Variants in ARL15 observed in about 807,000 individuals in gnomAD.
The protein encoded by ARL15 is ADP-ribosylation factor-like protein 15.
Under a neutral mutation model 25.2 loss-of-function variants are expected in ARL15, and 19 were observed. The ratio of observed to expected loss-of-function variants is 0.75; its 90% confidence interval spans 0.53 to 1.10. The LOEUF is 1.10. Among genes scored for constraint, ARL15 ranks in the 50% least tolerant of loss-of-function variants. The pLI is 0.00. For missense variants in ARL15, 220 were observed against 246.0 expected, an observed-to-expected ratio of 0.89 and a Z score of 0.71; for synonymous variants, 94 against 86.8, an observed-to-expected ratio of 1.08 and a Z score of -0.46.
intron 4 of ARL15, among the ~76,000 whole-genome samples, chr5:54,087,318 G>A (rs57261959): frequency 0.12 from 17,913 of 151,640 alleles, 1,444 homozygotes; most frequent in African/African-American, 0.22. Flanking sequence ...ACAGAGCGAG[G>A]CTCCATCTCA....
At chr5:53,910,636 TATATATATATATATA>T (rs1745424490) in intron 4 of ARL15, among the ~76,000 whole-genome samples, 14 of 109,270 alleles carry the variant, frequency 1.3e-4, no homozygotes, top group East Asian at 3.8e-4. Flanking sequence ...AAAAAAATTA[TATATATATATATATA>T]TATATATATA....
chr5:53,958,949 G>A (rs913430559), intron 4 of ARL15, among the ~76,000 whole-genome samples: 2 of 152,032 alleles, frequency 1.3e-5, no homozygotes, highest in African/African-American at 2.4e-5. Context: ...TAGAAAATTC[G>A]ACAATAATAA....
intron 1 of ARL15, among the ~76,000 whole-genome samples, chr5:54,297,282 G>C: frequency 6.6e-6 from 1 of 152,226 alleles, no homozygotes; most frequent in Admixed American, 6.5e-5. Flanking sequence ...GGGTCCCTGG[G>C]ATTGAGTCCT....
chr5:54,002,564 T>C (rs1224819171), intron 4 of ARL15, among the ~76,000 whole-genome samples: 1 of 152,168 alleles, frequency 6.6e-6, no homozygotes, highest in East Asian at 1.9e-4. Context: ...AGAGAGAGCA[T>C]ACTTTATTCA....
At chr5:54,263,768 T>C (rs971771626) in intron 1 of ARL15, among the ~76,000 whole-genome samples, 2 of 152,032 alleles carry the variant, frequency 1.3e-5, no homozygotes, top group East Asian at 1.9e-4. Context: ...ACCCCATCCA[T>C]ACAACCCCCA....
chr5:54,172,620 G>A (rs1054389960), intron 1 of ARL15, among the ~76,000 whole-genome samples: 2 of 152,110 alleles, frequency 1.3e-5, no homozygotes. Flanking sequence ...GAAGGGTCTT[G>A]ATGTCCACAA....
intron 3 of ARL15, among the ~76,000 whole-genome samples, chr5:54,151,065 GTTATC>G (rs1240957720): frequency 6.6e-6 from 1 of 152,126 alleles, no homozygotes. Context: ...CATGTCTGGT[GTTATC>G]TTATCTGTGA....
intron 4 of ARL15, among the ~76,000 whole-genome samples, chr5:54,019,158 A>C (rs987783387): frequency 1.3e-5 from 2 of 150,914 alleles, no homozygotes; most frequent in Non-Finnish European, 3.0e-5. Context: ...TGAAAAAGAT[A>C]AACAGGTTTT....
chr5:53,960,062 T>C (rs1327876640), intron 4 of ARL15, among the ~76,000 whole-genome samples: 1 of 152,066 alleles, frequency 6.6e-6, no homozygotes, highest in African/African-American at 2.4e-5. Context: ...AAGTCTATAG[T>C]TCAAACGAAA....
chr5:54,296,435 A>G (rs1758467505), intron 1 of ARL15, among the ~76,000 whole-genome samples: 1 of 152,250 alleles, frequency 6.6e-6, no homozygotes, highest in Non-Finnish European at 1.5e-5. Context: ...GGTAAGTCAC[A>G]GAGCTAGAAT....
At chr5:53,991,575 GC>G (rs1375474606) in intron 4 of ARL15, among the ~76,000 whole-genome samples, 61 of 139,538 alleles carry the variant, frequency 4.4e-4, no homozygotes, top group Middle Eastern at 7.7e-3. Flanking sequence ...GGGGCGGGGG[GC>G]AATTGAAGCA....
At chr5:54,061,608 T>C (rs938765049) in intron 4 of ARL15, among the ~76,000 whole-genome samples, 1 of 151,862 alleles carries the variant, frequency 6.6e-6, no homozygotes, top group Non-Finnish European at 1.5e-5. Flanking sequence ...CTCAAAAAAA[T>C]AAAAAGTAAA....
chr5:54,288,182 G>C (rs1284023771), intron 1 of ARL15, among the ~76,000 whole-genome samples: 5 of 152,226 alleles, frequency 3.3e-5, no homozygotes, highest in Non-Finnish European at 7.3e-5. Flanking sequence ...ATGGCTGAGT[G>C]CAGTTGCAGA....
chr5:54,121,184 T>G (rs1753063053), intron 3 of ARL15, among the ~76,000 whole-genome samples: 1 of 152,214 alleles, frequency 6.6e-6, no homozygotes, highest in Non-Finnish European at 1.5e-5. Flanking sequence ...AACAAGTTAT[T>G]ACCATATTTA....
At chr5:53,921,177 T>A (rs1282582402) in intron 4 of ARL15, among the ~76,000 whole-genome samples, 1 of 152,126 alleles carries the variant, frequency 6.6e-6, no homozygotes, top group African/African-American at 2.4e-5. Flanking sequence ...TGTCAGGTAA[T>A]GTATTATCAC....
intron 4 of ARL15, among the ~76,000 whole-genome samples, chr5:54,092,073 C>CA (rs143647206): frequency 0.054 from 8,130 of 149,636 alleles, 262 homozygotes; most frequent in Admixed American, 0.07. Context: ...CACACACACA[C>CA]CACCACCACC....
intron 1 of ARL15, among the ~76,000 whole-genome samples, chr5:54,273,072 T>C (rs1757832935): frequency 6.6e-6 from 1 of 152,196 alleles, no homozygotes; most frequent in African/African-American, 2.4e-5. Context: ...TTGATCAAAA[T>C]ATTATGATTA....
chr5:54,014,913 T>G (rs573287209), intron 4 of ARL15, among the ~76,000 whole-genome samples: 1 of 152,148 alleles, frequency 6.6e-6, no homozygotes, highest in Admixed American at 6.5e-5. Flanking sequence ...TCTCTTCATC[T>G]GCCTTTTTGA....
intron 4 of ARL15, among the ~76,000 whole-genome samples, chr5:53,945,557 T>TAATGG (rs66496207): frequency 1.0e-4 from 1 of 9,820 alleles, no homozygotes; most frequent in Non-Finnish European, 2.4e-4. Context: ...CAAGACAGAA[T>TAATGG]AAGAGAAAAA....
Sources: gnomAD v4.1 joint callset for allele counts (sites outside exome capture counted in the v4.1 genomes callset) on GRCh38, gnomAD v4.1.1 for gene constraint, MANE v1.5 for transcripts, NCBI Gene and HGNC (gene_info 2026-07-23, HGNC 2026-07-21) for gene names.